EGFLAM: variants seen among roughly 807,000 people sequenced by gnomAD.
EGFLAM encodes the protein EGF like, fibronectin type III and laminin G domains.
EGFLAM carries 79 observed loss-of-function variants against 113.1 expected under a neutral mutation model. The ratio of observed to expected loss-of-function variants is 0.70; its 90% confidence interval spans 0.58 to 0.84. EGFLAM has a LOEUF of 0.84. Ranked by LOEUF, EGFLAM falls within the 40% of genes least tolerant of loss-of-function variation. The pLI, the probability that EGFLAM is intolerant of heterozygous loss-of-function variation, is 0.00. For synonymous variants in EGFLAM, 504 were observed against 487.6 expected (o/e 1.03, Z -0.44); for missense variants, 1,265 against 1,291.6 (o/e 0.98, Z 0.32).
intron 5 of EGFLAM, among the ~76,000 whole-genome samples, chr5:38,368,799 C>T (rs1255412687): frequency 6.6e-6 from 1 of 152,040 alleles, no homozygotes; most frequent in Non-Finnish European, 1.5e-5. Flanking sequence ...CACCATTTAT[C>T]AGCTATGTGA....
intron 12 of EGFLAM, among the ~76,000 whole-genome samples, chr5:38,421,260 T>C (rs6889926): frequency 0.048 from 7,261 of 152,356 alleles, 221 homozygotes; most frequent in African/African-American, 0.069. Context: ...TCCTGTGCTC[T>C]CTGCAAGTCA....
In EGFLAM at chr5:38,288,291, C is replaced by CTTTCAATATAAT. The variant is rs1758219888; in HGVS notation, c.97+29442_97+29453dup. Among the ~76,000 whole-genome samples, 3 of 152,084 alleles carry CTTTCAATATAAT rather than the reference C, an allele frequency of 2.0e-5. No individual in the cohort carries two copies. The South Asian group carries it at 6.2e-4, about 31-fold the overall frequency. ...CCAATTTTCATGACATCTTCTAGGACTTTCAATATAATTAGTAAAATAGCT... is the reference window on the plus strand; with the variant it reads ...CCAATTTTCATGACATCTTCTAGGACTTTCAATATAATTTTCAATATAATTAGTAAAATAGCT... On this transcript the variant is annotated intron_variant, in intron 1 of 21. Transcript: ENST00000322350.
chr5:38,391,786 T>C (rs893241019), intron 6 of EGFLAM, among the ~76,000 whole-genome samples: 2 of 151,596 alleles, frequency 1.3e-5, no homozygotes, highest in African/African-American at 4.8e-5. Flanking sequence ...ATGCCTTTTC[T>C]TTTTTTTGCA....
chr5:38,299,201 T>A (rs553746885), intron 1 of EGFLAM, among the ~76,000 whole-genome samples: 1 of 152,232 alleles, frequency 6.6e-6, no homozygotes, highest in East Asian at 1.9e-4. Flanking sequence ...GCTTTTATTG[T>A]GTAACACACA....
At position 38,337,501 on chromosome 5, in the gene EGFLAM, C is replaced by G. The variant is rs781379853; in HGVS notation, c.98-19C>G. ...GGATGTGTGGAGCCTCTAACACAAT[C>G]TCTTTTGTTTGGGGGCAGGCAAGGT... is the stretch of plus-strand genomic sequence containing the variant. On this transcript the variant is annotated intron_variant, in intron 1 of 21. Coordinates refer to ENST00000322350, the MANE Select transcript of EGFLAM (RefSeq NM_152403.4). 2 of 1,577,172 alleles carry G rather than the reference C, an allele frequency of 1.3e-6. No homozygotes were observed. Among genetic ancestry groups the G allele is most frequent in the South Asian group, 2.3e-5 (2 of 86,482 alleles).
intron 18 of EGFLAM, among the ~76,000 whole-genome samples, chr5:38,449,418 T>G (rs573362290): frequency 6.6e-6 from 1 of 152,306 alleles, no homozygotes; most frequent in South Asian, 2.1e-4. Flanking sequence ...CATGGGGACT[T>G]AGGTAAAATG....
chr5:38,412,362 A>C, intron 10 of EGFLAM, 142 bp from the exon 11 acceptor site: 1 of 1,247,510 alleles, frequency 8.0e-7, no homozygotes, highest in South Asian at 1.4e-5. Flanking sequence ...ATTGATTTCA[A>C]CAGCACTTGA....
At chr5:38,345,107 G>A (rs535462684) in intron 3 of EGFLAM, among the ~76,000 whole-genome samples, 2 of 152,280 alleles carry the variant, frequency 1.3e-5, no homozygotes, top group South Asian at 4.1e-4. Context: ...CTGTGTCTAC[G>A]AGTCAGATAA....
intron 17 of EGFLAM, among the ~76,000 whole-genome samples, chr5:38,444,212 T>A (rs1264102461): frequency 6.6e-6 from 1 of 152,082 alleles, no homozygotes; most frequent in African/African-American, 2.4e-5. Context: ...AGCTTTTAGA[T>A]ATAAATGTAA....
intron 1 of EGFLAM, among the ~76,000 whole-genome samples, chr5:38,329,649 G>A (rs542402809): frequency 3.9e-5 from 6 of 152,208 alleles, no homozygotes; most frequent in East Asian, 1.9e-4. Context: ...TTGTATATTC[G>A]TGGTTCGTCC....
intron 1 of EGFLAM, among the ~76,000 whole-genome samples, chr5:38,292,749 G>A (rs545699991): frequency 6.6e-6 from 1 of 152,328 alleles, no homozygotes; most frequent in East Asian, 1.9e-4. Context: ...GGTGGCATGT[G>A]TGATTAATCA....
intron 1 of EGFLAM, chr5:38,305,508 A>C (rs766927824): frequency 2.2e-6 from 1 of 453,302 alleles, no homozygotes; most frequent in African/African-American, 2.0e-5. Context: ...GAAACAGAAG[A>C]TCCAATCCAG....
intron 5 of EGFLAM, among the ~76,000 whole-genome samples, chr5:38,354,937 C>T (rs1739727535): frequency 6.6e-6 from 1 of 152,188 alleles, no homozygotes; most frequent in Admixed American, 6.5e-5. Context: ...TCACTGGATT[C>T]AGACAGAAGA....
intron 11 of EGFLAM, among the ~76,000 whole-genome samples, chr5:38,412,854 C>T (rs557723929): frequency 9.2e-5 from 14 of 152,248 alleles, no homozygotes; most frequent in Non-Finnish European, 1.6e-4. Flanking sequence ...GCTTTCAGGG[C>T]ACACATCCAC....
chr5:38,425,541 G>A (rs552928804), intron 13 of EGFLAM, among the ~76,000 whole-genome samples: 3 of 152,294 alleles, frequency 2.0e-5, no homozygotes, highest in African/African-American at 7.2e-5. Context: ...TGTTGGGAGA[G>A]ATGGGGGAAA....
chr5:38,348,628 G>A (rs1188618417), intron 3 of EGFLAM, among the ~76,000 whole-genome samples: 1 of 152,184 alleles, frequency 6.6e-6, no homozygotes, highest in Non-Finnish European at 1.5e-5. Context: ...GGCCAGGTGG[G>A]CGTAAGTTCA....
intron 5 of EGFLAM, among the ~76,000 whole-genome samples, chr5:38,367,024 G>T (rs1462800298): frequency 6.6e-6 from 1 of 152,152 alleles, no homozygotes; most frequent in African/African-American, 2.4e-5. Context: ...GAATTCACCT[G>T]CCCAGCAACC....
chr5:38,438,184 T>G, intron 16 of EGFLAM, 91 bp from the exon 17 acceptor site: 1 of 1,423,242 alleles, frequency 7.0e-7, no homozygotes, highest in Non-Finnish European at 9.4e-7. Flanking sequence ...TCTCCCTATG[T>G]GTAGCTCAGG....
chr5:38,321,815 A>C (rs1371964583), intron 1 of EGFLAM, among the ~76,000 whole-genome samples: 1 of 152,164 alleles, frequency 6.6e-6, no homozygotes, highest in East Asian at 1.9e-4. Context: ...GTGCAGACCT[A>C]CCCCTGACAC....
Sources: allele counts gnomAD v4.1 joint callset (sites outside exome capture counted in the v4.1 genomes callset), GRCh38; gene constraint gnomAD v4.1.1; transcripts MANE v1.5; gene names NCBI Gene and HGNC (gene_info 2026-07-23, HGNC 2026-07-21).